The following AZIN1 variants were observed in gnomAD, a reference collection of about 807,000 sequenced individuals.
AZIN1 encodes the protein antizyme inhibitor 1.
AZIN1 carries 12 observed loss-of-function variants against 47.4 expected under a neutral mutation model. The observed-to-expected ratio is 0.25, with a 90% CI of 0.16 to 0.41. The LOEUF (loss-of-function observed/expected upper bound fraction) is 0.41. Among genes scored for constraint, AZIN1 ranks in the 10% least tolerant of loss-of-function variants. AZIN1 has a pLI of 1.00. For missense variants in AZIN1, 410 were observed against 532.4 expected (o/e 0.77, Z 2.26); for synonymous variants, 155 against 176.3 (o/e 0.88, Z 0.96).
intron 5 of AZIN1, among the ~76,000 whole-genome samples, chr8:102,838,343 G>A (rs942606980): frequency 6.6e-6 from 1 of 152,114 alleles, no homozygotes; most frequent in African/African-American, 2.4e-5. Flanking sequence ...CAAGAACTAT[G>A]GCCTAGGGTA....
At chr8:102,835,105 A>G (rs1811734390) in intron 6 of AZIN1, 1 of 168,758 alleles carries the variant, frequency 5.9e-6, no homozygotes, top group Non-Finnish European at 1.3e-5. Flanking sequence ...CATTCAGTTG[A>G]GCATAAAACT....
rs935846333 is a variant in AZIN1 at position 102,858,073 on chromosome 8, G to A, written c.-156C>T. ...AGCTAGGTTCCCAAGGTGGCTCAGCGTTGAAGTCGAACTGCTCTCTATACA... is the reference window on the plus strand; with the variant it reads ...AGCTAGGTTCCCAAGGTGGCTCAGCATTGAAGTCGAACTGCTCTCTATACA... On this transcript the variant is annotated 5_prime_UTR_variant, in exon 2 of 12. It adds an upstream start codon to the 5' untranslated region. Transcript: ENST00000337198. 7.5e-6 allele frequency: 3 copies of A among 398,904 alleles called. No individual in the cohort carries two copies. The highest frequency in any genetic ancestry group is 8.8e-6 in the Non-Finnish European group (2 of 226,050). The allele number at this position is 398,904 out of a possible 1,614,324, so 24.7% of individuals were successfully genotyped here.
At position 102,826,333 on chromosome 8, in the gene AZIN1, T is replaced by G. The variant is rs1811110687; in HGVS notation, c.*2234A>C. 6.6e-6 allele frequency: 1 copy of G among 152,628 alleles called. No homozygotes were observed. The highest frequency in any genetic ancestry group is 6.6e-5 in the Admixed American group (1 of 15,262). The allele number at this position is 152,628 out of a possible 1,614,324, so 9.5% of individuals were successfully genotyped here. A position where few individuals can be genotyped will look rare whatever the true frequency, so the allele number is the denominator to read the frequency against. ...TGATATGTAAAATTTTACCTCTATT[T>G]CAGATAGAAGCCAAAGTAAAACATG... On this transcript the variant is annotated 3_prime_UTR_variant, in exon 12 of 12. Coordinates refer to ENST00000337198, the MANE Select transcript of AZIN1 (RefSeq NM_148174.4).
intron 2 of AZIN1, among the ~76,000 whole-genome samples, chr8:102,857,491 T>A (rs567907125): frequency 6.6e-6 from 1 of 152,082 alleles, no homozygotes; most frequent in Non-Finnish European, 1.5e-5. Flanking sequence ...AATTCACACA[T>A]AGAAAACCAA....
intron 2 of AZIN1, among the ~76,000 whole-genome samples, chr8:102,849,190 G>A (rs1429360004): frequency 1.3e-5 from 2 of 152,110 alleles, no homozygotes; most frequent in African/African-American, 2.4e-5. Flanking sequence ...GTACTCAGGA[G>A]GATGAGGCAG....
chr8:102,839,826 A>C lies in AZIN1; in HGVS notation c.103-3T>G. 6.5e-7 allele frequency: 1 copy of C among 1,549,140 alleles called. No homozygotes were observed. Among genetic ancestry groups the C allele is most frequent in the Non-Finnish European group, 8.7e-7 (1 of 1,147,394 alleles). On this transcript the variant is annotated splice_polypyrimidine_tract_variant and splice_region_variant and intron_variant, in intron 3 of 11. Transcript: ENST00000337198. The stretch of plus-strand genomic sequence containing the variant: ...ACAAAAAATGCATTTTTCCCTGTCT[A>C]TTATGGTTATAAAAAAAAAGACAAA...
chr8:102,853,227 G>A (rs188674829), intron 2 of AZIN1, among the ~76,000 whole-genome samples: 16 of 152,242 alleles, frequency 1.1e-4, no homozygotes, highest in Admixed American at 7.2e-4. Flanking sequence ...GTCTATGGTC[G>A]GGCGCAGTGG....
rs751608921 is a variant in AZIN1 at position 102,839,756 on chromosome 8, T to C, written c.170A>G (p.Asn57Ser). Residue 57 changes from asparagine (N) to serine (S), a missense_variant, in exon 4 of 12, where the codon AAT (asparagine) becomes AGT (serine). Physicochemically the swap from Asn to Ser is conservative, Grantham distance 46 (BLOSUM62 1). Coordinates refer to ENST00000337198, the MANE Select transcript of AZIN1 (RefSeq NM_148174.4). ...GAATGGCTTTATCTGAGCCACTACA[T>C]TCTGCCATTGACTGTGTTTCTTCAC... ...KIVKKHSQWQNVVAQIKPFYT... is the reference protein window; with the variant it reads ...KIVKKHSQWQSVVAQIKPFYT... 1 of 1,608,678 alleles carries C rather than the reference T, an allele frequency of 6.2e-7. No homozygotes were observed. The highest frequency in any genetic ancestry group is 8.5e-7 in the Non-Finnish European group (1 of 1,177,086).
At chr8:102,859,174 A>T (rs1813473380) in intron 1 of AZIN1, 1 of 152,242 alleles carries the variant, frequency 6.6e-6, no homozygotes, top group African/African-American at 2.4e-5. Context: ...TTTATGGATG[A>T]TGAGGAAAGA....
intron 4 of AZIN1, 76 bp downstream of exon 4, chr8:102,839,574 G>C: frequency 1.9e-6 from 2 of 1,069,494 alleles, no homozygotes; most frequent in Non-Finnish European, 2.5e-6. Flanking sequence ...CCTTGCATTT[G>C]TTCTCTAACC....
At chr8:102,833,811 C>A (rs976933537) in intron 8 of AZIN1, among the ~76,000 whole-genome samples, 1 of 137,444 alleles carries the variant, frequency 7.3e-6, no homozygotes, top group East Asian at 2.1e-4. Flanking sequence ...GCAGGAGGAT[C>A]GCTTGAGCCC....
At chr8:102,861,803 G>A (rs1813675369) in intron 1 of AZIN1, among the ~76,000 whole-genome samples, 1 of 151,980 alleles carries the variant, frequency 6.6e-6, no homozygotes, top group African/African-American at 2.4e-5. Context: ...AGCACTCTGG[G>A]AGGCCGAGAT....
chr8:102,855,683 G>A (rs919686801), intron 2 of AZIN1: 1 of 152,146 alleles, frequency 6.6e-6, no homozygotes, highest in Non-Finnish European at 1.5e-5. Flanking sequence ...AATGCTATGG[G>A]CCAAATAATT....
At position 102,834,625 on chromosome 8, in the gene AZIN1, CTAAAA is replaced by C. The variant is rs563695442; in HGVS notation, c.666+36_666+40del. ...CTTAGTCTTTAACTTAACATCCTGG[CTAAAA>C]TAAAATATCAAAATAACTTAAAAGA... On this transcript the variant is annotated intron_variant, in intron 7 of 11. Transcript: ENST00000337198. 3.4e-4 allele frequency: 505 copies of C among 1,473,872 alleles called. 2 individuals carry two copies. The South Asian group carries it at 3.6e-3, about 11-fold the overall frequency. 91.3% of individuals were successfully genotyped at this position (1,473,872 alleles called of 1,614,324 possible).
Position 102,843,535 on chromosome 8 carries a change from G to A in AZIN1, c.102+16C>T. On this transcript the variant is annotated intron_variant, in intron 3 of 11. Transcript: ENST00000337198. ...TTGGAAAATGACAAACACTGTATTT[G>A]AGAAATGGCACTTACCAGGGTATGT... is the stretch of plus-strand genomic sequence containing the variant. 1 of 1,601,232 alleles carries A rather than the reference G, an allele frequency of 6.2e-7. No individual in the cohort carries two copies. The highest frequency in any genetic ancestry group is 8.6e-7 in the Non-Finnish European group (1 of 1,168,698).
In AZIN1 at chr8:102,826,788, AAAG is replaced by A. The variant is rs1458169406; in HGVS notation, c.*1776_*1778del. ...TGGACCACAACAATGCACAACATGT[AAAG>A]AAGGTAGGAAACAGTTCCCCCTCCT... On this transcript the variant is annotated 3_prime_UTR_variant, in exon 12 of 12. Coordinates refer to ENST00000337198, the MANE Select transcript of AZIN1 (RefSeq NM_148174.4). 6.6e-6 allele frequency: 1 copy of A among 152,628 alleles called. No homozygotes were observed. Among genetic ancestry groups the A allele is most frequent in the South Asian group, 2.1e-4 (1 of 4,820 alleles). The allele number at this position is 152,628 out of a possible 1,614,324, so 9.5% of individuals were successfully genotyped here.
chr8:102,845,865 T>C (rs1325771839), intron 2 of AZIN1, among the ~76,000 whole-genome samples: 2 of 152,228 alleles, frequency 1.3e-5, no homozygotes, highest in Non-Finnish European at 2.9e-5. Flanking sequence ...AATAGCTTCT[T>C]GCAAACTGTG....
rs573093633 is a variant in AZIN1, at chr8:102,839,030, A to G, written c.277-114T>C. On this transcript the variant is annotated intron_variant, in intron 4 of 11. Transcript: ENST00000337198. ...TTAAAACCAGGGTCTCACTCTTTGT[A>G]TTCCAGGCTGAAGTGCAATAGCACA... 1.1e-4 allele frequency: 107 copies of G among 934,670 alleles called. No homozygotes were observed. The African/African-American group carries it at 1.6e-3, about 14-fold the overall frequency. The allele number at this position is 934,670 out of a possible 1,614,324, so 57.9% of individuals were successfully genotyped here.
At chr8:102,844,729 A>G (rs1011163629) in intron 2 of AZIN1, among the ~76,000 whole-genome samples, 4 of 152,240 alleles carry the variant, frequency 2.6e-5, no homozygotes, top group Non-Finnish European at 4.4e-5. Flanking sequence ...CAGAAATGCA[A>G]AAATAACACA....
Sources: allele counts gnomAD v4.1 joint callset (sites outside exome capture counted in the v4.1 genomes callset), GRCh38; gene constraint gnomAD v4.1.1; transcripts MANE v1.5; gene names NCBI Gene and HGNC (gene_info 2026-07-23, HGNC 2026-07-21).